Variants in ZNG1B observed in about 807,000 individuals in gnomAD.
The protein encoded by ZNG1B is zinc-regulated GTPase metalloprotein activator 1B.
chr2:113,453,201 AAG>A, the ZNG1B span: 2 of 1,590,370 alleles, frequency 1.3e-6, no homozygotes, highest in Non-Finnish European at 8.5e-7. Context: ...CCTTGATGGT[AAG>A]TTAAAAAACA....
the ZNG1B span, chr2:113,470,971 T>C: frequency 6.3e-7 from 1 of 1,584,630 alleles, no homozygotes; most frequent in South Asian, 1.1e-5. Flanking sequence ...GTTTTTTTTC[T>C]TGATTAATTG....
the ZNG1B span, among the ~76,000 whole-genome samples, chr2:113,479,632 C>T: frequency 3.9e-5 from 6 of 152,146 alleles, no homozygotes; most frequent in African/African-American, 1.2e-4. Context: ...AGGTTCCAGC[C>T]CTTCATTTGA....
chr2:113,445,123 G>A, the ZNG1B span: 2 of 1,572,468 alleles, frequency 1.3e-6, no homozygotes, highest in Non-Finnish European at 1.7e-6. Context: ...TGTATTAGAG[G>A]AATATCTAAC....
the ZNG1B span, chr2:113,481,410 A>G: frequency 6.6e-6 from 1 of 151,982 alleles, no homozygotes; most frequent in East Asian, 1.9e-4. Context: ...AAAGAGACTC[A>G]TTCCCTCCAA....
the ZNG1B span, among the ~76,000 whole-genome samples, chr2:113,461,193 C>G: frequency 6.6e-6 from 1 of 150,728 alleles, no homozygotes; most frequent in African/African-American, 2.4e-5. Context: ...ATTACAGGCA[C>G]CCGCCACCAT....
At chr2:113,470,985 G>A in the ZNG1B span, 37 of 1,582,444 alleles carry the variant, frequency 2.3e-5, no homozygotes, top group Non-Finnish European at 3.0e-5. Context: ...TTAATTGGAT[G>A]TATTTCACAG....
the ZNG1B span, among the ~76,000 whole-genome samples, chr2:113,451,399 T>A: frequency 1.4e-5 from 2 of 143,856 alleles, no homozygotes; most frequent in African/African-American, 5.2e-5. Context: ...ATTTTTTGTT[T>A]TATTAGATTT....
the ZNG1B span, among the ~76,000 whole-genome samples, chr2:113,450,353 G>A: frequency 2.1e-4 from 31 of 145,892 alleles, no homozygotes; most frequent in African/African-American, 7.7e-4. Flanking sequence ...TGCATTTACT[G>A]TGATCATCTG....
the ZNG1B span, among the ~76,000 whole-genome samples, chr2:113,487,916 GC>G: frequency 6.6e-6 from 1 of 151,746 alleles, no homozygotes; most frequent in Non-Finnish European, 1.5e-5. Context: ...GCACTTTTCT[GC>G]TTTTTGTATT....
the ZNG1B span, among the ~76,000 whole-genome samples, chr2:113,477,508 C>A: frequency 6.6e-6 from 1 of 152,114 alleles, no homozygotes; most frequent in African/African-American, 2.4e-5. Context: ...AGCTGTAGAC[C>A]GGAGCTGTTC....
chr2:113,455,470 T>G, the ZNG1B span: 3 of 510,492 alleles, frequency 5.9e-6, no homozygotes, highest in Non-Finnish European at 1.1e-5. Flanking sequence ...TGCATTTAAA[T>G]GAGGTTTAAT....
the ZNG1B span, among the ~76,000 whole-genome samples, chr2:113,458,893 T>C: frequency 6.9e-6 from 1 of 145,854 alleles, no homozygotes; most frequent in Middle Eastern, 3.5e-3. Flanking sequence ...TGGGAAGAGA[T>C]TTGTTGCTGC....
chr2:113,452,292 C>T, the ZNG1B span, among the ~76,000 whole-genome samples: 7 of 151,978 alleles, frequency 4.6e-5, no homozygotes, highest in Non-Finnish European at 8.8e-5. Flanking sequence ...TTGTTGACAC[C>T]GAGTGATGCT....
chr2:113,437,913 G>C, the ZNG1B span: 1 of 1,612,034 alleles, frequency 6.2e-7, no homozygotes, highest in South Asian at 1.1e-5. Flanking sequence ...AGGATCCTGC[G>C]GAGGAGGATT....
chr2:113,465,547 T>TGA, the ZNG1B span, among the ~76,000 whole-genome samples: 1 of 149,048 alleles, frequency 6.7e-6, no homozygotes. Flanking sequence ...CTTAGTGTTT[T>TGA]ATAGTTGCCA....
At chr2:113,474,408 A>G in the ZNG1B span, among the ~76,000 whole-genome samples, 2 of 149,638 alleles carry the variant, frequency 1.3e-5, no homozygotes, top group African/African-American at 5.0e-5. Context: ...CTAGCGGTCT[A>G]TCAATTTTGT....
At chr2:113,484,968 A>G in the ZNG1B span, among the ~76,000 whole-genome samples, 2 of 151,702 alleles carry the variant, frequency 1.3e-5, no homozygotes, top group Non-Finnish European at 2.9e-5. Flanking sequence ...CCCGGCCTCA[A>G]TGTATTTTTA....
chr2:113,479,342 CTA>C, the ZNG1B span, among the ~76,000 whole-genome samples: 4 of 141,278 alleles, frequency 2.8e-5, no homozygotes, highest in Admixed American at 7.3e-5. Flanking sequence ...CAGAATTATA[CTA>C]TGTTTTTTCA....
the ZNG1B span, among the ~76,000 whole-genome samples, chr2:113,440,074 C>G: frequency 6.6e-6 from 1 of 150,404 alleles, no homozygotes; most frequent in Non-Finnish European, 1.5e-5. Context: ...TTAGTAGAGA[C>G]GGGGTTTCAC....
Sources: gnomAD v4.1 joint callset for allele counts (sites outside exome capture counted in the v4.1 genomes callset) on GRCh38, gnomAD v4.1.1 for gene constraint, MANE v1.5 for transcripts, NCBI Gene and HGNC (gene_info 2026-07-23, HGNC 2026-07-21) for gene names.